ZMAT4: variants seen among roughly 807,000 people sequenced by gnomAD.
The protein encoded by ZMAT4 is zinc finger matrin-type 4, also known as zinc finger matrin-type protein 4.
Under a neutral mutation model 28.7 loss-of-function variants are expected in ZMAT4, and 17 were observed. That is an observed-to-expected ratio of 0.59 (90% CI 0.41 to 0.89). The LOEUF (loss-of-function observed/expected upper bound fraction) is 0.89, where lower values mean the gene tolerates loss of function less well. Among genes scored for constraint, ZMAT4 ranks in the 40% least tolerant of loss-of-function variants. The pLI is 0.00. For synonymous variants in ZMAT4, 117 were observed against 109.2 expected, an observed-to-expected ratio of 1.07 and a Z score of -0.44; for missense variants, 240 against 283.8, an observed-to-expected ratio of 0.85 and a Z score of 1.11.
chr8:40,864,763 G>A (rs1159889794), intron 1 of ZMAT4, among the ~76,000 whole-genome samples: 1 of 152,216 alleles, frequency 6.6e-6, no homozygotes, highest in Non-Finnish European at 1.5e-5. Context: ...AGAGCCTCTA[G>A]CATGTGAGGA....
intron 3 of ZMAT4, among the ~76,000 whole-genome samples, chr8:40,766,338 CA>C (rs1813158048): frequency 6.6e-6 from 1 of 152,224 alleles, no homozygotes; most frequent in Admixed American, 6.5e-5. Context: ...TCAGTGCCTG[CA>C]TGTGATGCTT....
intron 3 of ZMAT4, among the ~76,000 whole-genome samples, chr8:40,756,555 G>A: frequency 6.7e-6 from 1 of 149,104 alleles, no homozygotes; most frequent in Admixed American, 6.7e-5. Flanking sequence ...TCCGTAAGTA[G>A]GGGACTACAT....
rs189971498 is a variant in ZMAT4 at position 40,617,877 on chromosome 8, A to G, written c.578-36616T>C. ...TGCTGAGGCAGCCCAAGATACATGC[A>G]ATGTTTTGCTTTTTCAAAATGAAAA... On this transcript the variant is annotated intron_variant, in intron 5 of 6. Transcript: ENST00000297737. 2.0e-5 allele frequency among the ~76,000 whole-genome samples: 3 copies of G among 152,308 alleles called. No individual in the cohort carries two copies. In the East Asian group the frequency reaches 5.8e-4, roughly 29 times the overall value.
At chr8:40,567,564 C>T (rs2118494743) in intron 6 of ZMAT4, among the ~76,000 whole-genome samples, 1 of 151,976 alleles carries the variant, frequency 6.6e-6, no homozygotes, top group Non-Finnish European at 1.5e-5. Context: ...AACCCTGTCC[C>T]TACTAAAAAT....
intron 2 of ZMAT4, among the ~76,000 whole-genome samples, chr8:40,770,707 C>G (rs1813355776): frequency 6.6e-6 from 1 of 152,112 alleles, no homozygotes; most frequent in Non-Finnish European, 1.5e-5. Flanking sequence ...GCCACCACGC[C>G]TGGCTAGTTT....
rs917113169 is a variant in ZMAT4 at position 40,571,736 on chromosome 8, G to A, written c.674+9429C>T. Among the ~76,000 whole-genome samples the A allele has an allele frequency of 2.6e-5, 4 of 152,128 alleles. No homozygotes were observed. In the East Asian group the frequency reaches 7.7e-4, roughly 29 times the overall value. ...GGTTCCAGATTTCACCCTTTATTCA[G>A]AGCTTTACTATCAGCTTACAAATGA... is the stretch of plus-strand genomic sequence containing the variant. On this transcript the variant is annotated intron_variant, in intron 6 of 6. Transcript: ENST00000297737.
At chr8:40,638,674 A>G (rs1355412064) in intron 5 of ZMAT4, among the ~76,000 whole-genome samples, 1 of 152,236 alleles carries the variant, frequency 6.6e-6, no homozygotes, top group Admixed American at 6.5e-5. Flanking sequence ...CCACTTCTCA[A>G]TTTTACATCT....
intron 4 of ZMAT4, among the ~76,000 whole-genome samples, chr8:40,681,115 G>A (rs994725738): frequency 5.3e-5 from 8 of 152,182 alleles, no homozygotes; most frequent in African/African-American, 1.9e-4. Context: ...GAACCCACTA[G>A]TGTAGAGTCC....
At chr8:40,828,219 G>A (rs1816148645) in intron 1 of ZMAT4, among the ~76,000 whole-genome samples, 1 of 152,236 alleles carries the variant, frequency 6.6e-6, no homozygotes, top group Non-Finnish European at 1.5e-5. Context: ...AAGAACTGGA[G>A]TACAACATTT....
At chr8:40,881,143 C>G (rs982844474) in intron 1 of ZMAT4, among the ~76,000 whole-genome samples, 1 of 151,996 alleles carries the variant, frequency 6.6e-6, no homozygotes, top group East Asian at 1.9e-4. Flanking sequence ...TTTGAGAGGC[C>G]GAACTGGGAG....
At chr8:40,700,692 G>C (rs1810105532) in intron 3 of ZMAT4, among the ~76,000 whole-genome samples, 1 of 152,042 alleles carries the variant, frequency 6.6e-6, no homozygotes, top group Non-Finnish European at 1.5e-5. Context: ...CCAAAGTGCT[G>C]GGATTGTAGG....
chr8:40,640,296 T>C (rs1408783441), intron 5 of ZMAT4, among the ~76,000 whole-genome samples: 1 of 152,184 alleles, frequency 6.6e-6, no homozygotes, highest in Non-Finnish European at 1.5e-5. Flanking sequence ...TGTCTTAATG[T>C]TCTGGATGAC....
chr8:40,851,975 C>A (rs1817125114), intron 1 of ZMAT4, among the ~76,000 whole-genome samples: 1 of 152,156 alleles, frequency 6.6e-6, no homozygotes, highest in Non-Finnish European at 1.5e-5. Context: ...CGGCTCACTG[C>A]AGCCTCCGCC....
At chr8:40,786,566 T>A in intron 2 of ZMAT4, 1 of 606,292 alleles carries the variant, frequency 1.6e-6, no homozygotes, top group Non-Finnish European at 2.4e-6. Flanking sequence ...GAGTTATTGC[T>A]ACCAAAACAA....
chr8:40,803,191 G>A (rs55921527), intron 2 of ZMAT4, among the ~76,000 whole-genome samples: 15,280 of 152,070 alleles, frequency 0.1, 992 homozygotes, highest in South Asian at 0.16. Flanking sequence ...CAACACTGTA[G>A]GCATGATCTA....
chr8:40,861,469 C>A (rs1158769911), intron 1 of ZMAT4, among the ~76,000 whole-genome samples: 1 of 152,172 alleles, frequency 6.6e-6, no homozygotes, highest in Non-Finnish European at 1.5e-5. Context: ...ACCATAAAAA[C>A]CCTAGAAGAA....
chr8:40,874,635 T>TG (rs1173644475), intron 1 of ZMAT4, among the ~76,000 whole-genome samples: 1 of 152,234 alleles, frequency 6.6e-6, no homozygotes, highest in Admixed American at 6.5e-5. Flanking sequence ...ATACTTAGAA[T>TG]GTGTTTCTCT....
chr8:40,555,433 C>A (rs923394086), intron 6 of ZMAT4, among the ~76,000 whole-genome samples: 1 of 152,154 alleles, frequency 6.6e-6, no homozygotes, highest in Non-Finnish European at 1.5e-5. Context: ...AGATTAACAA[C>A]CACCATCACG....
chr8:40,881,586 GAAAGAAAGAAAGAAAA>G (rs1818267324), intron 1 of ZMAT4, among the ~76,000 whole-genome samples: 1 of 104,912 alleles, frequency 9.5e-6, no homozygotes. Flanking sequence ...AAGAAAGAAA[GAAAGAAAGAAAGAAAA>G]GAAAAGAAAA....
Sources: gnomAD v4.1 joint callset for allele counts (sites outside exome capture counted in the v4.1 genomes callset) on GRCh38, gnomAD v4.1.1 for gene constraint, MANE v1.5 for transcripts, NCBI Gene and HGNC (gene_info 2026-07-23, HGNC 2026-07-21) for gene names.